ARHGAP15: variants seen among roughly 807,000 people sequenced by gnomAD.
ARHGAP15 encodes Rho GTPase activating protein 15, also known as rho GTPase-activating protein 15.
Under a neutral mutation model 63.7 loss-of-function variants are expected in ARHGAP15, and 51 were observed. That is an observed-to-expected ratio of 0.80 (90% CI 0.64 to 1.01). The LOEUF is 1.01. ARHGAP15 is among the 50% of genes least tolerant of loss of function. The pLI, the probability that ARHGAP15 is intolerant of heterozygous loss-of-function variation, is 0.00. For missense variants in ARHGAP15, 560 were observed against 564.6 expected (o/e 0.99, Z 0.08); for synonymous variants, 191 against 193.8 (o/e 0.99, Z 0.12).
intron 10 of ARHGAP15, among the ~76,000 whole-genome samples, chr2:143,555,860 A>AAGAAT (rs60637898): frequency 0.11 from 15,529 of 137,642 alleles, 1,245 homozygotes; most frequent in Non-Finnish European, 0.13. Flanking sequence ...ACAGGAAAAC[A>AAGAAT]AGAATAGAAT....
chr2:143,614,665 G>A (rs929881216), intron 11 of ARHGAP15, among the ~76,000 whole-genome samples: 1 of 152,160 alleles, frequency 6.6e-6, no homozygotes, highest in African/African-American at 2.4e-5. Flanking sequence ...GCTAAGCACT[G>A]GGGATATAAA....
rs967821419 is a variant in ARHGAP15, at chr2:143,512,618, G to C, written c.827-6648G>C. ...CCCTTTCTTGAAACGTTTGTCCAATGCTACATCCATATTTTTGCCAGGTGT... is the reference window on the plus strand; with the variant it reads ...CCCTTTCTTGAAACGTTTGTCCAATCCTACATCCATATTTTTGCCAGGTGT... On this transcript the variant is annotated intron_variant, in intron 9 of 13. Coordinates refer to ENST00000295095, the MANE Select transcript of ARHGAP15 (RefSeq NM_018460.4). 2.0e-5 allele frequency among the ~76,000 whole-genome samples: 3 copies of C among 152,326 alleles called. No individual in the cohort carries two copies. In the East Asian group the frequency reaches 5.8e-4, roughly 29 times the overall value.
chr2:143,722,581 C>T (rs990409994), intron 13 of ARHGAP15, among the ~76,000 whole-genome samples: 2 of 152,160 alleles, frequency 1.3e-5, no homozygotes, highest in Non-Finnish European at 2.9e-5. Context: ...CTTTGCAGTG[C>T]TACTAATGTA....
chr2:143,529,956 C>T (rs368758630), intron 10 of ARHGAP15, among the ~76,000 whole-genome samples: 1 of 152,102 alleles, frequency 6.6e-6, no homozygotes, highest in Non-Finnish European at 1.5e-5. Flanking sequence ...GGTTGGATCA[C>T]CCCGTCCCCA....
intron 6 of ARHGAP15, among the ~76,000 whole-genome samples, chr2:143,288,041 T>A (rs777468590): frequency 5.9e-5 from 9 of 152,202 alleles, no homozygotes; most frequent in Non-Finnish European, 1.3e-4. Context: ...TCAGAACTCA[T>A]ACACCTTGGC....
At chr2:143,214,947 T>C (rs921785866) in intron 3 of ARHGAP15, among the ~76,000 whole-genome samples, 4 of 152,228 alleles carry the variant, frequency 2.6e-5, no homozygotes, top group Non-Finnish European at 4.4e-5. Flanking sequence ...TTACTATAAA[T>C]ATTTAAATAA....
At chr2:143,242,823 G>T (rs376903036) in intron 5 of ARHGAP15, among the ~76,000 whole-genome samples, 2 of 152,132 alleles carry the variant, frequency 1.3e-5, no homozygotes, top group South Asian at 2.1e-4. Context: ...GCCCAAATGA[G>T]AATATATAAA....
chr2:143,274,788 A>C (rs1007049647), intron 6 of ARHGAP15, among the ~76,000 whole-genome samples: 1 of 152,170 alleles, frequency 6.6e-6, no homozygotes, highest in East Asian at 1.9e-4. Flanking sequence ...ACCTTGCCCA[A>C]CAGTCTTTGA....
At chr2:143,176,529 T>G (rs567647102) in intron 2 of ARHGAP15, among the ~76,000 whole-genome samples, 1 of 152,310 alleles carries the variant, frequency 6.6e-6, no homozygotes, top group Non-Finnish European at 1.5e-5. Flanking sequence ...TTCTTTTGTC[T>G]TCTCTGTCAT....
intron 12 of ARHGAP15, among the ~76,000 whole-genome samples, chr2:143,689,960 G>A (rs1239622008): frequency 6.6e-6 from 1 of 152,194 alleles, no homozygotes; most frequent in African/African-American, 2.4e-5. Context: ...TAGAAAGGAA[G>A]GCGACTGGTG....
intron 9 of ARHGAP15, among the ~76,000 whole-genome samples, chr2:143,509,811 G>T (rs905689700): frequency 6.6e-6 from 1 of 151,746 alleles, no homozygotes; most frequent in Admixed American, 6.6e-5. Context: ...TCACGAGCTC[G>T]GGAGCTCGAG....
At chr2:143,737,234 T>G (rs1224551824) in intron 13 of ARHGAP15, among the ~76,000 whole-genome samples, 1 of 152,238 alleles carries the variant, frequency 6.6e-6, no homozygotes, top group African/African-American at 2.4e-5. Flanking sequence ...GAGTTTCTAC[T>G]GCATTGCAGC....
In ARHGAP15 at chr2:143,546,522, G is replaced by A. The variant is rs183802430; in HGVS notation, c.926-9886G>A. On this transcript the variant is annotated intron_variant, in intron 10 of 13. Transcript: ENST00000295095. ...TCCTGAGACTCCAAGCTTTCCTTAG[G>A]AATAGCATCTCCAGGAATCTGGTTT... Among the ~76,000 whole-genome samples, 303 of 152,170 alleles carry A rather than the reference G, an allele frequency of 2.0e-3. 1 individual carries two copies. The highest frequency in any genetic ancestry group is 3.6e-3 in the Non-Finnish European group (242 of 67,978).
intron 2 of ARHGAP15, among the ~76,000 whole-genome samples, chr2:143,166,157 A>G (rs1024948736): frequency 3.3e-5 from 5 of 152,130 alleles, no homozygotes; most frequent in Non-Finnish European, 7.4e-5. Context: ...ATTCTCATCC[A>G]CAACACAATC....
At chr2:143,536,628 G>GT (rs1340249014) in intron 10 of ARHGAP15, among the ~76,000 whole-genome samples, 9 of 150,874 alleles carry the variant, frequency 6.0e-5, no homozygotes, top group African/African-American at 2.2e-4. Context: ...GCGGTGTTTG[G>GT]TTTTTTGTCC....
At chr2:143,752,126 G>A (rs991948893) in intron 13 of ARHGAP15, among the ~76,000 whole-genome samples, 7 of 152,190 alleles carry the variant, frequency 4.6e-5, no homozygotes, top group African/African-American at 1.7e-4. Flanking sequence ...CCTGCCACTT[G>A]TTATTAAAAT....
chr2:143,555,868 AAT>A (rs1695768240), intron 10 of ARHGAP15, among the ~76,000 whole-genome samples: 1 of 33,756 alleles, frequency 3.0e-5, no homozygotes, highest in African/African-American at 1.4e-4. Context: ...ACAAGAATAG[AAT>A]AGAATAGAAT....
At chr2:143,548,588 C>G (rs752594669) in intron 10 of ARHGAP15, among the ~76,000 whole-genome samples, 1 of 151,740 alleles carries the variant, frequency 6.6e-6, no homozygotes, top group Non-Finnish European at 1.5e-5. Context: ...AAATATTTAT[C>G]TCTTCCATGT....
intron 11 of ARHGAP15, among the ~76,000 whole-genome samples, chr2:143,580,471 T>C (rs1696853121): frequency 6.6e-6 from 1 of 152,148 alleles, no homozygotes; most frequent in Non-Finnish European, 1.5e-5. Context: ...TCCACCTCGA[T>C]GACTTGCCGG....
Sources: allele counts gnomAD v4.1 joint callset (sites outside exome capture counted in the v4.1 genomes callset), GRCh38; gene constraint gnomAD v4.1.1; transcripts MANE v1.5; gene names NCBI Gene and HGNC (gene_info 2026-07-23, HGNC 2026-07-21).